The following ITGA7 variants were observed in gnomAD, a reference collection of about 807,000 sequenced individuals.
ITGA7 encodes the protein integrin subunit alpha 7.
In ITGA7, 84 loss-of-function variants were observed where a neutral mutation model predicts 131.6. That is an observed-to-expected ratio of 0.64 (90% CI 0.54 to 0.77). The LOEUF (loss-of-function observed/expected upper bound fraction) is 0.77. Among genes scored for constraint, ITGA7 ranks in the 30% least tolerant of loss-of-function variants. The probability of loss-of-function intolerance (pLI) is 0.00; values close to 1 mark genes in which losing one functional copy is unlikely to be tolerated. For missense variants in ITGA7, 1,399 were observed against 1,482.9 expected (o/e 0.94, Z 0.93); for synonymous variants, 548 against 600.7 (o/e 0.91, Z 1.28).
upstream of ITGA7, chr12:55,715,969 C>G: frequency 6.9e-7 from 1 of 1,454,344 alleles, no homozygotes; most frequent in Non-Finnish European, 9.1e-7. Flanking sequence ...CCGCAACCCT[C>G]TACCTCTCTT....
At chr12:55,715,934 C>T, upstream of ITGA7, 10 of 1,276,344 alleles carry the variant, frequency 7.8e-6, no homozygotes, top group Non-Finnish European at 1.0e-5. Context: ...ACTAAGCTCC[C>T]AATAAAGAAC....
Position 55,692,987 on chromosome 12 carries a change from A to AG in ITGA7, c.2713-13dup, listed in dbSNP as rs755155912. 3.1e-6 allele frequency: 5 copies of AG among 1,613,942 alleles called. No homozygotes were observed. The highest frequency in any genetic ancestry group is 2.2e-5 in the East Asian group (1 of 44,884). On this transcript the variant is annotated splice_polypyrimidine_tract_variant and intron_variant, in intron 20 of 24. Coordinates refer to ENST00000257879, the MANE Select transcript of ITGA7 (RefSeq NM_002206.3). ...CTACTGTCCACATCCTGGACACGGA[A>AG]GGGGGGTCTTAGTGAGTGTCCCTCC...
At chr12:55,707,916 C>T, upstream of ITGA7, 2 of 1,398,710 alleles carry the variant, frequency 1.4e-6, no homozygotes, top group South Asian at 3.0e-5. Context: ...CCGGCTCCCG[C>T]CTCCTCTCCC....
In ITGA7 at chr12:55,692,979, G is replaced by A. The variant is rs958064399; in HGVS notation, c.2713-4C>T. The A allele has an allele frequency of 6.2e-7, 1 of 1,613,942 alleles. No individual in the cohort carries two copies. Among genetic ancestry groups the A allele is most frequent in the Non-Finnish European group, 8.5e-7 (1 of 1,180,014 alleles). Reference sequence around the variant, plus strand: ...TCCTATCCCTACTGTCCACATCCTGGACACGGAAGGGGGGTCTTAGTGAGT... The same window carrying A: ...TCCTATCCCTACTGTCCACATCCTGAACACGGAAGGGGGGTCTTAGTGAGT... On this transcript the variant is annotated splice_region_variant and splice_polypyrimidine_tract_variant and intron_variant, in intron 20 of 24. Coordinates refer to ENST00000257879, the MANE Select transcript of ITGA7 (RefSeq NM_002206.3).
intron 1 of ITGA7, among the ~76,000 whole-genome samples, chr12:55,704,084 CG>C (rs1874664013): frequency 6.6e-6 from 1 of 152,176 alleles, no homozygotes; most frequent in Non-Finnish European, 1.5e-5. Flanking sequence ...AGAGTGAAGG[CG>C]GGGGTGAGGT....
chr12:55,693,063 C>A (rs1343669799), intron 20 of ITGA7, 78 bp downstream of exon 20: 2 of 1,611,082 alleles, frequency 1.2e-6, no homozygotes, highest in Non-Finnish European at 1.7e-6. Flanking sequence ...TTCCTCCTGC[C>A]CCATCACTGC....
intron 24 of ITGA7, chr12:55,686,168 A>C (rs1350927074): frequency 1.3e-5 from 15 of 1,199,806 alleles, no homozygotes; most frequent in Non-Finnish European, 1.7e-5. Flanking sequence ...ACATACCCAC[A>C]CACACTAGAC....
chr12:55,688,360 T>G, intron 22 of ITGA7, 60 bp from the exon 23 acceptor site: 1 of 1,160,302 alleles, frequency 8.6e-7, no homozygotes, highest in Non-Finnish European at 1.3e-6. Context: ...TCCCTTCCCC[T>G]TACCTCCTGA....
At chr12:55,706,433 G>A (rs778140459) in intron 1 of ITGA7, among the ~76,000 whole-genome samples, 53 of 152,142 alleles carry the variant, frequency 3.5e-4, no homozygotes, top group Non-Finnish European at 2.9e-4. Flanking sequence ...CCCCCAGACC[G>A]ACAGTAGAGG....
intron 4 of ITGA7, 186 bp from the exon 5 acceptor site, chr12:55,700,175 G>T: frequency 1.3e-6 from 2 of 1,492,008 alleles, no homozygotes; most frequent in Non-Finnish European, 1.8e-6. Flanking sequence ...GACAGAAACA[G>T]AGACAGAAGG....
Position 55,701,031 on chromosome 12 carries a change from C to T in ITGA7, c.538G>A (p.Glu180Lys). 6.2e-7 allele frequency: 1 copy of T among 1,614,232 alleles called. No homozygotes were observed. Among genetic ancestry groups the T allele is most frequent in the Non-Finnish European group, 8.5e-7 (1 of 1,180,044 alleles). ...GGGCGTCCCTCACAGAACTTCCATTCCCCACCATCCAACTCATCCCGGATG... is the reference window on the plus strand; with the variant it reads ...GGGCGTCCCTCACAGAACTTCCATTTCCCACCATCCAACTCATCCCGGATG... ...LAIRDELDGG[E>K]WKFCEGRPQG... is the part of the protein sequence containing the mutation. The change falls in exon 4 of 25, where the codon GAA (glutamate) becomes AAA (lysine). Residue 180 changes from glutamate (E) to lysine (K), a missense_variant. Transcript: ENST00000257879.
At position 55,694,318 on chromosome 12, in the gene ITGA7, C is replaced by G; in HGVS notation, c.2370G>C (p.Gln790His). The G allele has an allele frequency of 6.2e-7, 1 of 1,613,912 alleles. No individual in the cohort carries two copies. Among genetic ancestry groups the G allele is most frequent in the Non-Finnish European group, 8.5e-7 (1 of 1,180,042 alleles). Residue 790 changes from glutamine (Q) to histidine (H), a missense_variant, in exon 18 of 25, where the codon CAG becomes CAC. By Grantham distance (24) the Gln-to-His change is conservative (BLOSUM62 0). Transcript: ENST00000257879. The surrounding 1 kb of genome is among the most constrained non-coding windows in gnomAD (Gnocchi z 5.3). ...VELLLATISE[Q>H]ELHPVSARAR... ...CTCGTGCAGAGACTGGATGCAGCTC[C>G]TGCTCACTGATCCTGGTGAGTGGGC...
chr12:55,693,191 C>G lies in ITGA7; in HGVS notation c.2662G>C (p.Gly888Arg), dbSNP rs758700801. The change falls in exon 20 of 25, where the codon GGG (glycine) becomes CGG (arginine). Residue 888 changes from glycine (G) to arginine (R), a missense_variant. Coordinates refer to ENST00000257879, the MANE Select transcript of ITGA7 (RefSeq NM_002206.3). ...GAGCAAAGCCCTTTCTGCCCAGGCC[C>G]CTGCCCGCCCTCCAGCTCAACCTGC... ...PMQVELEGGQ[G>R]PGQKGLCSPR... is the part of the protein sequence containing the mutation. 6.2e-7 allele frequency: 1 copy of G among 1,613,974 alleles called. No homozygotes were observed. Among genetic ancestry groups the G allele is most frequent in the East Asian group, 2.2e-5 (1 of 44,878 alleles).
At chr12:55,716,103 C>G (rs538559015), upstream of ITGA7, 52 of 1,599,326 alleles carry the variant, frequency 3.3e-5, no homozygotes, top group East Asian at 1.1e-3. Context: ...CCGGAGGGGG[C>G]CCGGCGTACC....
At chr12:55,710,778 G>A (rs1876029250), upstream of ITGA7, among the ~76,000 whole-genome samples, 1 of 151,870 alleles carries the variant, frequency 6.6e-6, no homozygotes, top group East Asian at 1.9e-4. Context: ...AAAAAATGCT[G>A]AAACTGTATT....
At chr12:55,699,462 T>A (rs1268213394) in intron 5 of ITGA7, 1 of 282,640 alleles carries the variant, frequency 3.5e-6, no homozygotes, top group Non-Finnish European at 6.8e-6. Flanking sequence ...AGGCCTGGTT[T>A]CCTCCTCCTC....
chr12:55,702,959 C>T lies in ITGA7; in HGVS notation c.335-8G>A. On this transcript the variant is annotated splice_polypyrimidine_tract_variant and splice_region_variant and intron_variant, in intron 2 of 24. Transcript: ENST00000257879. The stretch of plus-strand genomic sequence containing the variant: ...TTTCCTTTTGCATATCAGCTAGAGG[C>T]AGGACACTGGGAATTAGGGGAGGGA... 6.2e-7 allele frequency: 1 copy of T among 1,613,222 alleles called. No individual in the cohort carries two copies. Among genetic ancestry groups the T allele is most frequent in the Non-Finnish European group, 8.5e-7 (1 of 1,180,018 alleles).
In ITGA7 at chr12:55,698,805, G is replaced by A. The variant is rs113343213; in HGVS notation, c.903C>T (p.Ser301=). 1,975 of 1,614,112 alleles carry A rather than the reference G, an allele frequency of 1.2e-3. 23 individuals are homozygous for A. The African/African-American group carries it at 0.024, about 19-fold the overall frequency. The change falls in exon 6 of 25, where the codon AGC becomes AGT. Residue 301 remains serine, a synonymous_variant. Transcript: ENST00000257879. ...TAACCTCGGGCACCAGGCGACTGGC[G>A]CTGTCCTTGCGCAGGATGACCACAG... ...KGAVVILRKD[S]ASRLVPEVML...
chr12:55,704,075 G>C (rs1460475252), intron 1 of ITGA7, among the ~76,000 whole-genome samples: 1 of 152,236 alleles, frequency 6.6e-6, no homozygotes, highest in Non-Finnish European at 1.5e-5. Context: ...CCCCAAGCCA[G>C]AGTGAAGGCG....
Sources: allele counts gnomAD v4.1 joint callset (sites outside exome capture counted in the v4.1 genomes callset), GRCh38; gene constraint gnomAD v4.1.1; non-coding constraint Gnocchi (gnomAD v3.1); transcripts MANE v1.5; gene names NCBI Gene and HGNC (gene_info 2026-07-23, HGNC 2026-07-21).